RIMS2: variants seen among roughly 807,000 people sequenced by gnomAD.
The protein encoded by RIMS2 is regulating synaptic membrane exocytosis 2.
Under a neutral mutation model 174.4 loss-of-function variants are expected in RIMS2, and 59 were observed. The ratio of observed to expected loss-of-function variants is 0.34; its 90% CI spans 0.27 to 0.42. The LOEUF (loss-of-function observed/expected upper bound fraction) is 0.42, where lower values mean the gene tolerates loss of function less well. Among genes scored for constraint, RIMS2 ranks in the 10% least tolerant of loss-of-function variants. RIMS2 has a pLI of 1.00. For missense variants in RIMS2, 1,620 were observed against 1,666.3 expected (o/e 0.97, Z 0.48); for synonymous variants, 606 against 572.5 (o/e 1.06, Z -0.84).
intron 3 of RIMS2, among the ~76,000 whole-genome samples, chr8:103,782,610 C>A (rs2098402456): frequency 6.6e-6 from 1 of 152,128 alleles, no homozygotes; most frequent in African/African-American, 2.4e-5. Flanking sequence ...CAAAGTTACA[C>A]TTCTATCAGC....
At chr8:103,511,312 CAT>C (rs1235233926) in intron 1 of RIMS2, among the ~76,000 whole-genome samples, 1 of 152,116 alleles carries the variant, frequency 6.6e-6, no homozygotes, top group Non-Finnish European at 1.5e-5. Flanking sequence ...ATATGACTAA[CAT>C]AGTGAAGAGT....
Position 103,595,801 on chromosome 8 carries a change from G to A in RIMS2, c.176+94739G>A, listed in dbSNP as rs555212976. 9.2e-5 allele frequency among the ~76,000 whole-genome samples: 14 copies of A among 152,036 alleles called. No homozygotes were observed. The South Asian group carries it at 2.5e-3, about 27-fold the overall frequency. On this transcript the variant is annotated intron_variant, in intron 1 of 23. Transcript: ENST00000504942. ...CCTCCAAATAGTATGGTATTTAGTC[G>A]TAGTATAATTTTAAGAAGAAATGAG...
At chr8:103,767,813 T>G (rs1220495464) in intron 3 of RIMS2, among the ~76,000 whole-genome samples, 1 of 152,194 alleles carries the variant, frequency 6.6e-6, no homozygotes, top group Non-Finnish European at 1.5e-5. Flanking sequence ...AATCCTATCT[T>G]TGGGGAAAAC....
chr8:103,597,509 C>A (rs1346513155), intron 1 of RIMS2, among the ~76,000 whole-genome samples: 2 of 152,082 alleles, frequency 1.3e-5, no homozygotes, highest in Non-Finnish European at 2.9e-5. Flanking sequence ...CTTCCTTTGT[C>A]AGCACAGTAG....
chr8:103,942,636 T>G, intron 13 of RIMS2, 137 bp from the exon 16 acceptor site: 1 of 567,124 alleles, frequency 1.8e-6, no homozygotes, highest in Non-Finnish European at 3.0e-6. Flanking sequence ...TTGACAATTT[T>G]GCAACGTCTA....
At chr8:104,206,349 A>C (rs985976624) in intron 19 of RIMS2, among the ~76,000 whole-genome samples, 2 of 152,360 alleles carry the variant, frequency 1.3e-5, no homozygotes, top group Non-Finnish European at 2.9e-5. Flanking sequence ...GAAACAAAAA[A>C]TTCAAACTGT....
At chr8:103,714,086 C>A (rs1224864724) in intron 2 of RIMS2, among the ~76,000 whole-genome samples, 2 of 152,100 alleles carry the variant, frequency 1.3e-5, no homozygotes, top group Non-Finnish European at 2.9e-5. Flanking sequence ...ATTCTTCAGA[C>A]CTCCAATCTA....
intron 3 of RIMS2, among the ~76,000 whole-genome samples, chr8:103,835,539 T>C (rs1364696421): frequency 1.3e-5 from 2 of 152,252 alleles, no homozygotes; most frequent in Non-Finnish European, 2.9e-5. Flanking sequence ...TTTTTGTTAT[T>C]GAGGGCCTCA....
At chr8:103,768,939 T>C (rs893812449) in intron 3 of RIMS2, 6 of 421,022 alleles carry the variant, frequency 1.4e-5, no homozygotes, top group Non-Finnish European at 2.8e-5. Flanking sequence ...TGAAGGAGGC[T>C]AAACAGAAGC....
intron 1 of RIMS2, among the ~76,000 whole-genome samples, chr8:103,518,534 A>AT (rs983671665): frequency 2.0e-5 from 3 of 151,828 alleles, no homozygotes; most frequent in African/African-American, 7.2e-5. Flanking sequence ...TCTATACTTT[A>AT]TTTGGAAAAA....
chr8:103,706,752 TTA>T (rs992670826), intron 2 of RIMS2, among the ~76,000 whole-genome samples: 19 of 150,236 alleles, frequency 1.3e-4, no homozygotes, highest in African/African-American at 4.3e-4. Context: ...AGTTTGATTA[TTA>T]TATGTCTTGG....
intron 19 of RIMS2, among the ~76,000 whole-genome samples, chr8:104,176,047 T>C (rs1397724196): frequency 6.6e-6 from 1 of 152,184 alleles, no homozygotes; most frequent in Non-Finnish European, 1.5e-5. Context: ...TCTCTGTGTT[T>C]CTCTATCTGC....
downstream of RIMS2, chr8:104,252,064 C>A (rs2099360714): frequency 7.6e-6 from 4 of 524,446 alleles, no homozygotes; most frequent in Non-Finnish European, 1.0e-5. Flanking sequence ...CACTCGAGTT[C>A]TGGTCCAATC....
intron 19 of RIMS2, among the ~76,000 whole-genome samples, chr8:104,074,689 A>AT (rs1253641534): frequency 1.3e-5 from 2 of 152,112 alleles, no homozygotes; most frequent in South Asian, 2.1e-4. Context: ...GGATATGAAG[A>AT]TTTTTTTTAA....
At chr8:104,125,166 T>C (rs2098418492) in intron 19 of RIMS2, among the ~76,000 whole-genome samples, 1 of 152,172 alleles carries the variant, frequency 6.6e-6, no homozygotes, top group South Asian at 2.1e-4. Flanking sequence ...GTCTAGACCA[T>C]GTTCTCTCTC....
intron 2 of RIMS2, among the ~76,000 whole-genome samples, chr8:103,718,741 C>A (rs1290859583): frequency 3.3e-5 from 5 of 151,878 alleles, no homozygotes; most frequent in Non-Finnish European, 5.9e-5. Flanking sequence ...GATCTCAGCT[C>A]ACTGCAATCT....
intron 15 of RIMS2, among the ~76,000 whole-genome samples, chr8:103,971,380 C>A (rs1249722104): frequency 6.6e-6 from 1 of 152,010 alleles, no homozygotes; most frequent in African/African-American, 2.4e-5. Context: ...TATATGTAAT[C>A]TTTCCTTGGG....
At chr8:103,544,721 C>A (rs1043428653) in intron 1 of RIMS2, among the ~76,000 whole-genome samples, 6 of 152,150 alleles carry the variant, frequency 3.9e-5, no homozygotes, top group Non-Finnish European at 8.8e-5. Context: ...CCTGAGGGAG[C>A]CCTGTGCACC....
intron 19 of RIMS2, among the ~76,000 whole-genome samples, chr8:104,170,537 T>C (rs1032720330): frequency 2.0e-5 from 3 of 152,074 alleles, no homozygotes; most frequent in Admixed American, 6.6e-5. Context: ...TTACCTTAAG[T>C]TTATGAGAGT....
Sources: allele counts gnomAD v4.1 joint callset (sites outside exome capture counted in the v4.1 genomes callset), GRCh38; gene constraint gnomAD v4.1.1; transcripts MANE v1.5; gene names NCBI Gene and HGNC (gene_info 2026-07-23, HGNC 2026-07-21).